The following CSMD1 variants were observed in gnomAD, a reference collection of about 807,000 sequenced individuals.
CSMD1 encodes CUB and sushi domain-containing protein 1.
A neutral mutation model predicts 417.5 loss-of-function variants in CSMD1; 213 were observed. The ratio of observed to expected loss-of-function variants is 0.51; its 90% confidence interval spans 0.46 to 0.57. The LOEUF (loss-of-function observed/expected upper bound fraction) is 0.57. Among genes scored for constraint, CSMD1 ranks in the 20% least tolerant of loss-of-function variants. The probability of loss-of-function intolerance (pLI) is 0.00; values close to 1 mark genes in which losing one functional copy is unlikely to be tolerated. For synonymous variants in CSMD1, 2,862 were observed against 1,736.8 expected, an observed-to-expected ratio of 1.65 and a Z score of -16.11; for missense variants, 6,923 against 4,529.7, an observed-to-expected ratio of 1.53 and a Z score of -15.17.
At chr8:4,708,046 T>C (rs1462126918) in intron 1 of CSMD1, among the ~76,000 whole-genome samples, 4 of 152,248 alleles carry the variant, frequency 2.6e-5, no homozygotes, top group Non-Finnish European at 5.9e-5. Context: ...TTGGCTCAAG[T>C]GATCCTACTA....
At chr8:3,918,065 T>C (rs1185518976) in intron 5 of CSMD1, among the ~76,000 whole-genome samples, 3 of 152,132 alleles carry the variant, frequency 2.0e-5, no homozygotes, top group Non-Finnish European at 4.4e-5. Context: ...TTTCATTGTA[T>C]ATTCCACTTT....
At chr8:3,605,150 T>C (rs1469830615) in intron 8 of CSMD1, among the ~76,000 whole-genome samples, 1 of 152,072 alleles carries the variant, frequency 6.6e-6, no homozygotes, top group Non-Finnish European at 1.5e-5. Flanking sequence ...GCATGCCATG[T>C]CTGGCTAATT....
At chr8:4,306,923 G>C in intron 3 of CSMD1, among the ~76,000 whole-genome samples, 1 of 152,058 alleles carries the variant, frequency 6.6e-6, no homozygotes, top group East Asian at 1.9e-4. Context: ...AAAATCCTCA[G>C]TGTGGGATTC....
chr8:3,167,717 T>C (rs1375657576), intron 37 of CSMD1, among the ~76,000 whole-genome samples: 2 of 152,138 alleles, frequency 1.3e-5, no homozygotes, highest in Non-Finnish European at 2.9e-5. Context: ...AGAAGATGAG[T>C]GTCCTAATTT....
chr8:4,652,140 A>G (rs1342841697), intron 1 of CSMD1, among the ~76,000 whole-genome samples: 2 of 152,318 alleles, frequency 1.3e-5, no homozygotes, highest in Non-Finnish European at 2.9e-5. Flanking sequence ...GAGGCAGAGG[A>G]AGCAGCAATA....
chr8:4,475,580 C>T (rs1381310450), intron 2 of CSMD1, among the ~76,000 whole-genome samples: 1 of 152,036 alleles, frequency 6.6e-6, no homozygotes, highest in African/African-American at 2.4e-5. Flanking sequence ...CACCCAGGCA[C>T]AACGTTCTTT....
At chr8:3,080,336 G>C (rs1813996835) in intron 49 of CSMD1, among the ~76,000 whole-genome samples, 1 of 152,172 alleles carries the variant, frequency 6.6e-6, no homozygotes, top group Admixed American at 6.5e-5. Context: ...AGAGTTTCTT[G>C]CTTTAAGGCA....
intron 52 of CSMD1, among the ~76,000 whole-genome samples, chr8:3,010,591 G>A (rs1808309897): frequency 6.6e-6 from 1 of 152,048 alleles, no homozygotes; most frequent in Non-Finnish European, 1.5e-5. Context: ...TTCTGGAATG[G>A]CTTTACCCCA....
chr8:3,894,522 AT>A (rs1312464784), intron 5 of CSMD1, among the ~76,000 whole-genome samples: 8 of 152,188 alleles, frequency 5.3e-5, no homozygotes, highest in East Asian at 1.9e-4. Context: ...TTAAAAAAAA[AT>A]AATCCTATGA....
At chr8:3,377,260 C>A (rs879520147) in intron 18 of CSMD1, among the ~76,000 whole-genome samples, 4 of 152,178 alleles carry the variant, frequency 2.6e-5, no homozygotes, top group Non-Finnish European at 5.9e-5. Context: ...AATCTATCTA[C>A]CTCAGCCTCC....
chr8:4,979,459 A>C (rs945694924), intron 1 of CSMD1, among the ~76,000 whole-genome samples: 1 of 152,190 alleles, frequency 6.6e-6, no homozygotes, highest in East Asian at 1.9e-4. Flanking sequence ...GATGCCGTCA[A>C]AGGTACCTTT....
At chr8:3,983,412 G>A (rs1435916811) in intron 5 of CSMD1, among the ~76,000 whole-genome samples, 2 of 151,830 alleles carry the variant, frequency 1.3e-5, no homozygotes, top group African/African-American at 4.8e-5. Context: ...TTACAGGCGT[G>A]AGCCACCGCG....
intron 5 of CSMD1, among the ~76,000 whole-genome samples, chr8:3,818,508 C>A (rs1302652345): frequency 6.6e-6 from 1 of 152,164 alleles, no homozygotes; most frequent in African/African-American, 2.4e-5. Context: ...AGAGATACAA[C>A]TGCAGATTAG....
At chr8:3,302,004 A>G (rs1228783821) in intron 25 of CSMD1, among the ~76,000 whole-genome samples, 1 of 152,132 alleles carries the variant, frequency 6.6e-6, no homozygotes, top group Non-Finnish European at 1.5e-5. Context: ...CATGAGCTGT[A>G]CAGTCCTATT....
intron 25 of CSMD1, among the ~76,000 whole-genome samples, chr8:3,298,442 T>C (rs1265796387): frequency 6.6e-6 from 1 of 151,252 alleles, no homozygotes; most frequent in Non-Finnish European, 1.5e-5. Flanking sequence ...ACATAATTAA[T>C]AAAACTGTAC....
chr8:4,229,929 A>T (rs964461048), intron 3 of CSMD1, among the ~76,000 whole-genome samples: 3 of 152,174 alleles, frequency 2.0e-5, no homozygotes, highest in Admixed American at 1.3e-4. Context: ...GATTGAGTGA[A>T]TATCTTACAT....
At chr8:4,906,286 T>A in intron 1 of CSMD1, among the ~76,000 whole-genome samples, 1 of 152,306 alleles carries the variant, frequency 6.6e-6, no homozygotes, top group South Asian at 2.1e-4. Context: ...ACAAAACAAA[T>A]ACATTATTCA....
At chr8:4,076,008 G>T (rs377032308) in intron 3 of CSMD1, among the ~76,000 whole-genome samples, 2 of 152,190 alleles carry the variant, frequency 1.3e-5, no homozygotes, top group South Asian at 2.1e-4. Context: ...GTGGAGGGGG[G>T]ATATTTTAAT....
chr8:3,025,149 T>C (rs1184287775), intron 51 of CSMD1, among the ~76,000 whole-genome samples: 1 of 150,692 alleles, frequency 6.6e-6, no homozygotes, highest in Non-Finnish European at 1.5e-5. Context: ...GGTGTTATTC[T>C]GAAACTGTGT....
Sources: gnomAD v4.1 joint callset for allele counts (sites outside exome capture counted in the v4.1 genomes callset) on GRCh38, gnomAD v4.1.1 for gene constraint, MANE v1.5 for transcripts, NCBI Gene and HGNC (gene_info 2026-07-23, HGNC 2026-07-21) for gene names.